DOCK7: variants seen among roughly 807,000 people sequenced by gnomAD.
DOCK7 encodes dedicator of cytokinesis protein 7.
A neutral mutation model predicts 271.0 loss-of-function variants in DOCK7; 138 were observed. The ratio of observed to expected loss-of-function variants is 0.51; its 90% CI spans 0.44 to 0.59. The LOEUF (loss-of-function observed/expected upper bound fraction) is 0.59, where lower values mean the gene tolerates loss of function less well. DOCK7 is among the 20% of genes least tolerant of loss of function. DOCK7 has a pLI of 0.00. For synonymous variants in DOCK7, 823 were observed against 876.1 expected (o/e 0.94, Z 1.07); for missense variants, 2,066 against 2,592.4 (o/e 0.80, Z 4.41).
At chr1:62,650,749 C>G (rs1374428124) in intron 4 of DOCK7, among the ~76,000 whole-genome samples, 2 of 152,138 alleles carry the variant, frequency 1.3e-5, no homozygotes, top group Non-Finnish European at 2.9e-5. Flanking sequence ...AATGAGACAC[C>G]ATCTCACACC....
At chr1:62,640,835 C>T (rs1047693281) in intron 7 of DOCK7, among the ~76,000 whole-genome samples, 3 of 152,246 alleles carry the variant, frequency 2.0e-5, no homozygotes, top group Non-Finnish European at 2.9e-5. Flanking sequence ...TGTGCTACTA[C>T]TACTGAAACC....
At chr1:62,661,096 T>G (rs1213187151) in intron 2 of DOCK7, among the ~76,000 whole-genome samples, 14 of 143,488 alleles carry the variant, frequency 9.8e-5, no homozygotes, top group Admixed American at 4.2e-4. Flanking sequence ...AGAACCTGTC[T>G]GAAAAAAAAA....
chr1:62,662,191 C>T (rs1453811908), intron 2 of DOCK7, among the ~76,000 whole-genome samples: 4 of 151,926 alleles, frequency 2.6e-5, no homozygotes, highest in African/African-American at 9.7e-5. Flanking sequence ...GTAAAAATGA[C>T]CTCTAATTTT....
At chr1:62,673,774 C>T (rs1456321929) in intron 1 of DOCK7, among the ~76,000 whole-genome samples, 2 of 152,110 alleles carry the variant, frequency 1.3e-5, no homozygotes, top group Non-Finnish European at 2.9e-5. Flanking sequence ...TCCTTTTTTA[C>T]AACATCTACC....
At chr1:62,631,549 G>T in intron 10 of DOCK7, 144 bp from the exon 11 acceptor site, 1 of 653,124 alleles carries the variant, frequency 1.5e-6, no homozygotes, top group Non-Finnish European at 2.5e-6. Context: ...CAGAGATGAA[G>T]TATTAGTGCA....
Position 62,604,202 on chromosome 1 carries a change from A to C in DOCK7, c.1682+14504T>G, listed in dbSNP as rs1650594940. ...GTTTTCTACTTGGGATCACAAAGCAAAAGGACACTTCAACTGTCCAGAGGG... is the reference window on the plus strand; with the variant it reads ...GTTTTCTACTTGGGATCACAAAGCACAAGGACACTTCAACTGTCCAGAGGG... On this transcript the variant is annotated intron_variant, in intron 14 of 49. Coordinates refer to ENST00000635253, the MANE Select transcript of DOCK7 (RefSeq NM_001367561.1). The C allele has an allele frequency of 1.9e-6, 3 of 1,613,270 alleles. No homozygotes were observed. In the African/African-American group the frequency reaches 4.0e-5, roughly 22 times the overall value.
At position 62,510,581 on chromosome 1, in the gene DOCK7, C is replaced by T; in HGVS notation, c.4375G>A (p.Asp1459Asn). Residue 1459 changes from aspartate (D) to asparagine (N), a missense_variant, in exon 34 of 50, where the codon GAC (aspartate) becomes AAC (asparagine). By Grantham distance (23) the Asp-to-Asn change is conservative. Coordinates refer to ENST00000635253, the MANE Select transcript of DOCK7 (RefSeq NM_001367561.1). ...THWRQNTEKL[D>N]KSRAEIEHEA... ...TAAAATAGAAAGCTGTATTACTTGTCAAGCTTCTCTGTGTTTTGACGCCAG... is the reference window on the plus strand; with the variant it reads ...TAAAATAGAAAGCTGTATTACTTGTTAAGCTTCTCTGTGTTTTGACGCCAG... The T allele has an allele frequency of 6.2e-7, 1 of 1,611,972 alleles. No homozygotes were observed. The highest frequency in any genetic ancestry group is 1.3e-5 in the African/African-American group (1 of 74,980).
rs1646918177 is a variant in DOCK7, at chr1:62,505,732, C to T, written c.4561G>A (p.Ala1521Thr). 1 of 1,613,486 alleles carries T rather than the reference C, an allele frequency of 6.2e-7. No individual in the cohort carries two copies. Among genetic ancestry groups the T allele is most frequent in the Non-Finnish European group, 8.5e-7 (1 of 1,179,694 alleles). ...GCAAAACAGTGTTGTAGATAAACTGCACTTTGGTTACAGGCCATGCTGTGT... is the reference window on the plus strand; with the variant it reads ...GCAAAACAGTGTTGTAGATAAACTGTACTTTGGTTACAGGCCATGCTGTGT... ...LLHSMACNQSAVYLQHCFATQ... is the reference protein window; with the variant it reads ...LLHSMACNQSTVYLQHCFATQ... The change falls in exon 36 of 50, where the codon GCA (alanine) becomes ACA (threonine). Residue 1521 changes from alanine to threonine, a missense_variant. Around this residue, in one of 2 missense-constraint regions of DOCK7, gnomAD observed 652 missense variants for 922.1 expected, o/e 0.71. Transcript: ENST00000635253.
intron 14 of DOCK7, among the ~76,000 whole-genome samples, chr1:62,602,888 T>A (rs1259696578): frequency 6.6e-6 from 1 of 151,638 alleles, no homozygotes; most frequent in African/African-American, 2.4e-5. Context: ...GTTAACTCAA[T>A]GCAAATTATT....
At chr1:62,478,812 A>G (rs1440523518) in intron 43 of DOCK7, 2 of 152,188 alleles carry the variant, frequency 1.3e-5, no homozygotes, top group Admixed American at 1.3e-4. Flanking sequence ...TTTTGAGATG[A>G]GTTGGTTATT....
Position 62,495,573 on chromosome 1 carries a change from A to C in DOCK7, c.5024+8T>G. 1 of 1,544,164 alleles carries C rather than the reference A, an allele frequency of 6.5e-7. No homozygotes were observed. Among genetic ancestry groups the C allele is most frequent in the Non-Finnish European group, 8.7e-7 (1 of 1,153,540 alleles). On this transcript the variant is annotated splice_region_variant and intron_variant, in intron 39 of 49. Transcript: ENST00000635253. The stretch of plus-strand genomic sequence containing the variant: ...ATACAAAGCATAAATGAATCAAATA[A>C]ATGCTACCTGTACATTAGATCAATC...
intron 37 of DOCK7, among the ~76,000 whole-genome samples, chr1:62,501,910 A>C (rs1646795827): frequency 6.6e-6 from 1 of 152,142 alleles, no homozygotes; most frequent in African/African-American, 2.4e-5. Context: ...TAGCTTAAAT[A>C]AACTATAATG....
intron 22 of DOCK7, among the ~76,000 whole-genome samples, chr1:62,549,744 T>C (rs1202296177): frequency 6.6e-6 from 1 of 152,168 alleles, no homozygotes; most frequent in Non-Finnish European, 1.5e-5. Context: ...TGTTGTGCTA[T>C]CAAATACTAG....
chr1:62,509,146 A>G (rs1644405679), intron 34 of DOCK7, among the ~76,000 whole-genome samples: 1 of 151,810 alleles, frequency 6.6e-6, no homozygotes, highest in South Asian at 2.1e-4. Context: ...ACATGGCAAA[A>G]CCCTGTCTCT....
intron 22 of DOCK7, among the ~76,000 whole-genome samples, chr1:62,546,204 C>A (rs373157322): frequency 1.3e-5 from 2 of 152,178 alleles, no homozygotes; most frequent in African/African-American, 4.8e-5. Flanking sequence ...ATGTGCAGCG[C>A]CCTACCTTAA....
intron 48 of DOCK7, among the ~76,000 whole-genome samples, chr1:62,465,735 A>G (rs1645657610): frequency 6.6e-6 from 1 of 152,096 alleles, no homozygotes; most frequent in Non-Finnish European, 1.5e-5. Flanking sequence ...TATTTTTAGT[A>G]GAGATGGGGT....
Position 62,555,812 on chromosome 1 carries a change from A to C in DOCK7, c.2596+13T>G. 6.3e-7 allele frequency: 1 copy of C among 1,599,746 alleles called. No homozygotes were observed. The highest frequency in any genetic ancestry group is 1.8e-5 in the Admixed American group (1 of 56,386). ...TTATGAAAGACAGCTTCATAGTAAA[A>C]AGAATAAAATACCTGGTGATGATGA... On this transcript the variant is annotated intron_variant, in intron 21 of 49. Transcript: ENST00000635253.
chr1:62,572,593 G>C (rs1165714689), intron 18 of DOCK7, among the ~76,000 whole-genome samples: 2 of 151,992 alleles, frequency 1.3e-5, no homozygotes, highest in African/African-American at 2.4e-5. Flanking sequence ...TCTGGTGAGG[G>C]TTCTCACCCT....
At chr1:62,541,171 A>C (rs1781221) in intron 25 of DOCK7, among the ~76,000 whole-genome samples, 88,592 of 151,980 alleles carry the variant, frequency 0.58, 27,497 homozygotes, top group East Asian at 0.76. Flanking sequence ...AAGGTGAAGA[A>C]GACGGTCCCA....
Sources: gnomAD v4.1 joint callset for allele counts (sites outside exome capture counted in the v4.1 genomes callset) on GRCh38, gnomAD v4.1.1 for gene constraint, gnomAD v4.1.1 regional missense constraint, MANE v1.5 for transcripts, NCBI Gene and HGNC (gene_info 2026-07-23, HGNC 2026-07-21) for gene names.